DNAJC13: variants seen among roughly 807,000 people sequenced by gnomAD.
The protein encoded by DNAJC13 is DnaJ heat shock protein family (Hsp40) member C13, also known as dnaJ homolog subfamily C member 13.
Under a neutral mutation model 290.5 loss-of-function variants are expected in DNAJC13, and 75 were observed. The observed-to-expected ratio is 0.26, with a 90% CI of 0.21 to 0.31. The LOEUF (loss-of-function observed/expected upper bound fraction) is 0.31. Among genes scored for constraint, DNAJC13 ranks in the 10% least tolerant of loss-of-function variants. DNAJC13 has a pLI of 1.00. For missense variants in DNAJC13, 2,260 were observed against 2,674.5 expected, an observed-to-expected ratio of 0.85 and a Z score of 3.42; for synonymous variants, 862 against 892.0, an observed-to-expected ratio of 0.97 and a Z score of 0.60.
At chr3:132,466,740 T>C (rs907483395) in intron 19 of DNAJC13, among the ~76,000 whole-genome samples, 7 of 152,202 alleles carry the variant, frequency 4.6e-5, no homozygotes, top group Admixed American at 2.0e-4. Context: ...ATTTTGCACA[T>C]ATGAGATTGA....
chr3:132,500,751 A>G (rs561442048), intron 38 of DNAJC13, 43 bp from the exon 39 acceptor site: 3 of 1,610,450 alleles, frequency 1.9e-6, no homozygotes, highest in South Asian at 1.1e-5. Context: ...AGGAATGCCT[A>G]TGTGACTCTA....
chr3:132,531,984 T>A (rs1936431366), intron 55 of DNAJC13, among the ~76,000 whole-genome samples: 2 of 152,172 alleles, frequency 1.3e-5, no homozygotes, highest in South Asian at 2.1e-4. Context: ...ATTGCATAAT[T>A]TTAGAATAGT....
rs145794875 is a variant in DNAJC13 at position 132,525,682 on chromosome 3, G to A, written c.6133G>A (p.Val2045Ile). ...CGCACAACCTCAGCTGGCAGATCAG[G>A]TCCCGCCATTGGGCCATCTTCCCAA... Reference protein sequence around the residue: ...FSAQPQLADQVPPLGHLPKVI... With the variant: ...FSAQPQLADQIPPLGHLPKVI... Residue 2045 changes from valine (V) to isoleucine (I), a missense_variant, in exon 52 of 56, where the codon GTC becomes ATC. Around this residue, in one of 3 missense-constraint regions of DNAJC13, gnomAD observed 1,494 missense variants for 1,693.7 expected, o/e 0.88. Coordinates refer to ENST00000260818, the MANE Select transcript of DNAJC13 (RefSeq NM_015268.4). 1.5e-5 allele frequency: 25 copies of A among 1,614,022 alleles called. No homozygotes were observed. The highest frequency in any genetic ancestry group is 1.9e-5 in the Non-Finnish European group (23 of 1,180,026).
At chr3:132,479,781 T>G (rs1934607342) in intron 25 of DNAJC13, among the ~76,000 whole-genome samples, 1 of 152,164 alleles carries the variant, frequency 6.6e-6, no homozygotes, top group Non-Finnish European at 1.5e-5. Context: ...TTCACAGTTG[T>G]AATATATAAC....
intron 33 of DNAJC13, among the ~76,000 whole-genome samples, chr3:132,493,287 G>C (rs962767080): frequency 2.8e-4 from 42 of 152,118 alleles, no homozygotes; most frequent in African/African-American, 9.6e-4. Context: ...TTCTGTTACT[G>C]TGGTGGAACT....
chr3:132,474,090 C>G (rs753746626), intron 21 of DNAJC13, among the ~76,000 whole-genome samples: 9 of 152,176 alleles, frequency 5.9e-5, no homozygotes, highest in Non-Finnish European at 8.8e-5. Flanking sequence ...CATAGCTTGG[C>G]AGTTTGCAGT....
intron 2 of DNAJC13, among the ~76,000 whole-genome samples, chr3:132,439,967 G>A (rs1933001150): frequency 6.6e-6 from 1 of 152,146 alleles, no homozygotes; most frequent in African/African-American, 2.4e-5. Context: ...ATACACTAGA[G>A]CAGTCATGGG....
At chr3:132,437,392 T>C (rs570580177) in intron 2 of DNAJC13, among the ~76,000 whole-genome samples, 1 of 152,348 alleles carries the variant, frequency 6.6e-6, no homozygotes, top group Admixed American at 6.5e-5. Context: ...TTTGTGCTTT[T>C]GGTAATCTAA....
In DNAJC13 at chr3:132,417,703, G is replaced by GA. The variant is rs1938829854; in HGVS notation, c.-69dup. 6.6e-6 allele frequency: 1 copy of GA among 152,570 alleles called. No individual in the cohort carries two copies. The highest frequency in any genetic ancestry group is 1.5e-5 in the Non-Finnish European group (1 of 68,248). 9.5% of individuals were successfully genotyped at this position (152,570 alleles called of 1,614,324 possible). A position where few individuals can be genotyped will look rare whatever the true frequency, so the allele number is the denominator to read the frequency against. On this transcript the variant is annotated 5_prime_UTR_variant, in exon 1 of 56. Coordinates refer to ENST00000260818, the MANE Select transcript of DNAJC13 (RefSeq NM_015268.4). ...CCGGAGGGCGCCTCATCCCACTCTG[G>GA]AAGCTGAGCCGGCGGCGGGAGGAGC... is the stretch of plus-strand genomic sequence containing the variant.
chr3:132,427,106 CGTGTGT>C (rs71620527), intron 1 of DNAJC13, among the ~76,000 whole-genome samples: 1 of 123,540 alleles, frequency 8.1e-6, no homozygotes, highest in East Asian at 2.2e-4. Flanking sequence ...TGTGTGTGCA[CGTGTGT>C]GTGTGTGTAT....
Position 132,461,176 on chromosome 3 carries a change from A to G in DNAJC13, c.1684A>G (p.Asn562Asp). ...FDMLLEMVAS[N>D]GRTLFKLFQH... ...TATGCTCTTGGAGATGGTAGCATCC[A>G]ATGGAAGAACCCTTTTTAAACTTTT... Residue 562 changes from asparagine to aspartate, a missense_variant, in exon 15 of 56, where the codon AAT becomes GAT. Coordinates refer to ENST00000260818, the MANE Select transcript of DNAJC13 (RefSeq NM_015268.4). 5 of 1,614,086 alleles carry G rather than the reference A, an allele frequency of 3.1e-6. No individual in the cohort carries two copies. The highest frequency in any genetic ancestry group is 4.2e-6 in the Non-Finnish European group (5 of 1,179,960).
chr3:132,463,760 G>C lies in DNAJC13; in HGVS notation c.1835G>C (p.Arg612Pro), dbSNP rs756678310. The C allele has an allele frequency of 6.2e-7, 1 of 1,613,230 alleles. No homozygotes were observed. Residue 612 changes from arginine to proline, a missense_variant, in exon 17 of 56, where the codon CGA becomes CCA. Coordinates refer to ENST00000260818, the MANE Select transcript of DNAJC13 (RefSeq NM_015268.4). ...GCCCTAAGTGAAGGTGCCTTACCTC[G>C]ACACTTGCATACTGCGATGTTTACA... ...ELALSEGALP[R>P]HLHTAMFTIS...
intron 1 of DNAJC13, among the ~76,000 whole-genome samples, chr3:132,421,026 C>T (rs907392723): frequency 1.3e-5 from 2 of 152,096 alleles, no homozygotes; most frequent in African/African-American, 4.8e-5. Flanking sequence ...TGACATTTTG[C>T]CTTGAAAAAG....
At chr3:132,451,864 AG>A (rs1166876683) in intron 6 of DNAJC13, among the ~76,000 whole-genome samples, 8 of 152,348 alleles carry the variant, frequency 5.3e-5, no homozygotes, top group Non-Finnish European at 1.2e-4. Flanking sequence ...TCAGAGTTAC[AG>A]GCCTTTTTCC....
In DNAJC13 at chr3:132,456,513, C is replaced by T. The variant is rs780653887; in HGVS notation, c.1112C>T (p.Ala371Val). ...FLATPPNGNFADAVFRFNANI... is the reference protein window; with the variant it reads ...FLATPPNGNFVDAVFRFNANI... ...AATCTCTTTACAGATGGCAACTTTG[C>T]AGATGCTGTATTCAGGTTCAATGCT... The change falls in exon 11 of 56, where the codon GCA becomes GTA. Residue 371 changes from alanine to valine, a missense_variant. Coordinates refer to ENST00000260818, the MANE Select transcript of DNAJC13 (RefSeq NM_015268.4). 1.2e-6 allele frequency: 2 copies of T among 1,613,812 alleles called. No individual in the cohort carries two copies. Among genetic ancestry groups the T allele is most frequent in the Non-Finnish European group, 1.7e-6 (2 of 1,179,860 alleles).
chr3:132,517,729 T>A (rs991768219), intron 48 of DNAJC13, among the ~76,000 whole-genome samples: 1 of 152,186 alleles, frequency 6.6e-6, no homozygotes, highest in Admixed American at 6.5e-5. Flanking sequence ...TGGCTTCCTT[T>A]GTACACATTG....
At chr3:132,471,339 G>A (rs562719964) in intron 20 of DNAJC13, among the ~76,000 whole-genome samples, 3 of 144,488 alleles carry the variant, frequency 2.1e-5, no homozygotes, top group Non-Finnish European at 4.6e-5. Flanking sequence ...GCCGGGCGGG[G>A]GGTTGACCCC....
At chr3:132,484,549 C>G (rs1423310891) in intron 28 of DNAJC13, 39 bp from the exon 29 acceptor site, 1 of 1,576,622 alleles carries the variant, frequency 6.3e-7, no homozygotes, top group East Asian at 2.2e-5. Flanking sequence ...CAAATTTTAA[C>G]AAATATATTA....
chr3:132,504,024 C>G (rs2107722784), intron 41 of DNAJC13, among the ~76,000 whole-genome samples: 1 of 150,938 alleles, frequency 6.6e-6, no homozygotes, highest in East Asian at 1.9e-4. Flanking sequence ...AATGAAGACA[C>G]TAGATCCTAT....
Sources: allele counts gnomAD v4.1 joint callset (sites outside exome capture counted in the v4.1 genomes callset), GRCh38; gene constraint gnomAD v4.1.1; regional missense constraint gnomAD v4.1.1; transcripts MANE v1.5; gene names NCBI Gene and HGNC (gene_info 2026-07-23, HGNC 2026-07-21).